The following GRIP2 variants were observed in gnomAD, a reference collection of about 807,000 sequenced individuals.
The protein encoded by GRIP2 is glutamate receptor-interacting protein 2.
GRIP2 carries 58 observed loss-of-function variants against 108.3 expected under a neutral mutation model. The ratio of observed to expected loss-of-function variants is 0.54; its 90% CI spans 0.43 to 0.67. The LOEUF is 0.67. Among genes scored for constraint, GRIP2 ranks in the 30% least tolerant of loss-of-function variants. The pLI is 0.00. For synonymous variants in GRIP2, 586 were observed against 598.2 expected, an observed-to-expected ratio of 0.98 and a Z score of 0.30; for missense variants, 1,278 against 1,430.6, an observed-to-expected ratio of 0.89 and a Z score of 1.72.
chr3:14,597,424 G>C, the GRIP2 span, among the ~76,000 whole-genome samples: 1 of 152,214 alleles, frequency 6.6e-6, no homozygotes, highest in Non-Finnish European at 1.5e-5. Flanking sequence ...CCAAGAATGC[G>C]AGGGGGAATT....
At chr3:14,541,838 C>T (rs935011576), upstream of GRIP2, 22 of 1,277,060 alleles carry the variant, frequency 1.7e-5, no homozygotes, top group Admixed American at 6.8e-5. Context: ...ATTTCCTGGA[C>T]GACTCAAATC....
In GRIP2 at chr3:14,523,685, G is replaced by A; in HGVS notation, c.417C>T (p.Asn139=). The change falls in exon 5 of 24, where the codon AAC becomes AAT. Residue 139 remains asparagine, a synonymous_variant. Transcript: ENST00000621039. ...CCACTGTCTTTGAAATGATCCTGGG[G>A]TTATTCTCAGGAGCTGGGGAGAAAT... ...YELPPPAPEN[N]PRIISKTVDV... 2 of 1,610,324 alleles carry A rather than the reference G, an allele frequency of 1.2e-6. No homozygotes were observed. The highest frequency in any genetic ancestry group is 1.7e-6 in the Non-Finnish European group (2 of 1,178,136).
intron 1 of GRIP2, among the ~76,000 whole-genome samples, chr3:14,530,702 T>G (rs184959813): frequency 6.6e-6 from 1 of 152,324 alleles, no homozygotes; most frequent in East Asian, 1.9e-4. Context: ...CGTTTTATAT[T>G]CTGAGCTTAA....
intron 13 of GRIP2, among the ~76,000 whole-genome samples, chr3:14,513,284 A>C (rs1369666380): frequency 6.6e-6 from 1 of 152,212 alleles, no homozygotes; most frequent in Admixed American, 6.5e-5. Flanking sequence ...GATCGTTATC[A>C]ACTATTTACG....
intron 1 of GRIP2, among the ~76,000 whole-genome samples, chr3:14,555,519 G>C (rs539172749): frequency 6.6e-6 from 1 of 152,058 alleles, no homozygotes; most frequent in Non-Finnish European, 1.5e-5. Flanking sequence ...GAGCAGAGGC[G>C]GGGGCAGAGA....
At chr3:14,539,820 G>C (rs1404163439) in intron 1 of GRIP2, among the ~76,000 whole-genome samples, 1 of 152,120 alleles carries the variant, frequency 6.6e-6, no homozygotes, top group Non-Finnish European at 1.5e-5. Context: ...CCGAGAACCA[G>C]TCTCCTGCCC....
the GRIP2 span, among the ~76,000 whole-genome samples, chr3:14,561,287 G>A: frequency 1.3e-5 from 2 of 152,254 alleles, no homozygotes; most frequent in Non-Finnish European, 2.9e-5. Context: ...TGGGAGCCAG[G>A]AGGTCTGAAT....
At chr3:14,500,955 T>G (rs1176460993) in intron 21 of GRIP2, among the ~76,000 whole-genome samples, 1 of 152,216 alleles carries the variant, frequency 6.6e-6, no homozygotes, top group Non-Finnish European at 1.5e-5. Context: ...AGGTATTGCT[T>G]ACACTTGTTA....
chr3:14,516,856 G>C (rs1240788476), intron 11 of GRIP2, among the ~76,000 whole-genome samples: 2 of 152,074 alleles, frequency 1.3e-5, no homozygotes, highest in East Asian at 3.8e-4. Context: ...AAAGTAACTG[G>C]CACCTCTCAG....
the GRIP2 span, among the ~76,000 whole-genome samples, chr3:14,601,064 T>TCACA: frequency 1.3e-3 from 182 of 145,538 alleles, 1 homozygote; most frequent in Admixed American, 3.1e-3. Flanking sequence ...CATCTCTCTC[T>TCACA]CTCACACACA....
chr3:14,492,230 C>G lies in GRIP2; in HGVS notation c.*1435G>C, dbSNP rs920736504. The G allele has an allele frequency of 6.6e-6, 1 of 152,270 alleles. No homozygotes were observed. The highest frequency in any genetic ancestry group is 1.5e-5 in the Non-Finnish European group (1 of 68,080). 9.4% of individuals were successfully genotyped at this position (152,270 alleles called of 1,614,324 possible). On this transcript the variant is annotated 3_prime_UTR_variant, in exon 24 of 24. Coordinates refer to ENST00000621039, the MANE Select transcript of GRIP2 (RefSeq NM_001080423.4). ...GGTGAAAAGAACAGACCTCTTGACT[C>G]CTCATCTGTTCCCTCAAATGGAAGA...
At chr3:14,595,287 C>T in the GRIP2 span, among the ~76,000 whole-genome samples, 1 of 152,194 alleles carries the variant, frequency 6.6e-6, no homozygotes. Context: ...CTCAACCTCC[C>T]AAAGCGCTGG....
chr3:14,507,115 T>C lies in GRIP2; in HGVS notation c.2219-135A>G, dbSNP rs1209688357. 3.6e-6 allele frequency: 3 copies of C among 828,886 alleles called. No homozygotes were observed. Among genetic ancestry groups the C allele is most frequent in the Non-Finnish European group, 3.8e-6 (2 of 533,188 alleles). The allele number at this position is 828,886 out of a possible 1,614,324, so 51.3% of individuals were successfully genotyped here. ...CTGACATATGACCATGGCACACTAATAAGCAAACCTGTTTCACAGATGGGA... is the reference window on the plus strand; with the variant it reads ...CTGACATATGACCATGGCACACTAACAAGCAAACCTGTTTCACAGATGGGA... On this transcript the variant is annotated intron_variant, in intron 18 of 23. Coordinates refer to ENST00000621039, the MANE Select transcript of GRIP2 (RefSeq NM_001080423.4). This position sits in a 1 kb window ranked among gnomAD's most constrained non-coding sequence, Gnocchi z 4.6.
chr3:14,555,560 G>A (rs905658884), intron 1 of GRIP2, among the ~76,000 whole-genome samples: 8 of 142,386 alleles, frequency 5.6e-5, no homozygotes, highest in African/African-American at 2.0e-4. Flanking sequence ...CAGCAGGAGA[G>A]ACAGACACAG....
chr3:14,525,774 C>T (rs1473717786), intron 2 of GRIP2, 77 bp downstream of exon 2: 31 of 1,409,008 alleles, frequency 2.2e-5, no homozygotes, highest in Non-Finnish European at 2.7e-5. Flanking sequence ...GTGGCAGAGC[C>T]GTTGCCATCT....
chr3:14,547,061 G>GGTAAC (rs1695069418), upstream of GRIP2, among the ~76,000 whole-genome samples: 1 of 152,164 alleles, frequency 6.6e-6, no homozygotes, highest in South Asian at 2.1e-4. Context: ...GTAGGGGACA[G>GGTAAC]GTAACGTGGT....
At chr3:14,529,811 T>TG (rs1156566230) in intron 1 of GRIP2, among the ~76,000 whole-genome samples, 1 of 152,240 alleles carries the variant, frequency 6.6e-6, no homozygotes, top group African/African-American at 2.4e-5. Flanking sequence ...TGGTAATTGT[T>TG]GGATTGTGAA....
intron 21 of GRIP2, among the ~76,000 whole-genome samples, chr3:14,503,232 T>C (rs935028681): frequency 6.6e-6 from 1 of 152,122 alleles, no homozygotes; most frequent in African/African-American, 2.4e-5. Context: ...GACACACATG[T>C]TCTGAAATAC....
In GRIP2 at chr3:14,512,386, C is replaced by T. The variant is rs1183647226; in HGVS notation, c.1720+391G>A. Among the ~76,000 whole-genome samples the T allele has an allele frequency of 1.3e-5, 2 of 152,242 alleles. No homozygotes were observed. The highest frequency in any genetic ancestry group is 4.8e-5 in the African/African-American group (2 of 41,462). On this transcript the variant is annotated intron_variant, in intron 14 of 23. Transcript: ENST00000621039. The surrounding 1 kb of genome is among the most constrained non-coding windows in gnomAD (Gnocchi z 5.1). ...TTCTTCTGCATTCCTCATTTTCATTCCTTTGACAAACATGAATTAAGCACC... is the reference window on the plus strand; with the variant it reads ...TTCTTCTGCATTCCTCATTTTCATTTCTTTGACAAACATGAATTAAGCACC...
Sources: gnomAD v4.1 joint callset for allele counts (sites outside exome capture counted in the v4.1 genomes callset) on GRCh38, gnomAD v4.1.1 for gene constraint, Gnocchi (gnomAD v3.1) non-coding constraint, MANE v1.5 for transcripts, NCBI Gene and HGNC (gene_info 2026-07-23, HGNC 2026-07-21) for gene names.